The following SFXN3 variants were observed in gnomAD, a reference collection of about 807,000 sequenced individuals.
SFXN3 encodes the protein sideroflexin 3, also known as sideroflexin-3.
A neutral mutation model predicts 40.4 loss-of-function variants in SFXN3; 31 were observed. The observed-to-expected ratio is 0.77, with a 90% CI of 0.58 to 1.04. The LOEUF is 1.04. Ranked by LOEUF, SFXN3 falls within the 50% of genes least tolerant of loss-of-function variation. The pLI is 0.00. For synonymous variants in SFXN3, 157 were observed against 160.0 expected (o/e 0.98, Z 0.14); for missense variants, 366 against 408.2 (o/e 0.90, Z 0.89).
At chr10:101,033,825 G>A (rs1249684348) in intron 2 of SFXN3, among the ~76,000 whole-genome samples, 4 of 152,186 alleles carry the variant, frequency 2.6e-5, no homozygotes, top group Admixed American at 6.5e-5. Flanking sequence ...GTCATAATTA[G>A]GTTCAAGGGA....
At chr10:101,038,486 G>C in intron 9 of SFXN3, 157 bp from the exon 10 acceptor site, 1 of 1,494,392 alleles carries the variant, frequency 6.7e-7, no homozygotes, top group Non-Finnish European at 8.9e-7. Context: ...GCGTGATCTG[G>C]AGGTCCCAGC....
chr10:101,032,128 C>G (rs1938263526), intron 1 of SFXN3, 186 bp from the exon 2 acceptor site: 1 of 288,760 alleles, frequency 3.5e-6, no homozygotes, highest in African/African-American at 2.2e-5. Context: ...TGGGGGTCTG[C>G]TGAGGCCCGC....
intron 2 of SFXN3, among the ~76,000 whole-genome samples, chr10:101,033,958 C>T (rs553944998): frequency 1.3e-5 from 2 of 152,112 alleles, no homozygotes; most frequent in Admixed American, 6.5e-5. Context: ...CACCATAGGG[C>T]GGTTTTTCTC....
chr10:101,033,997 C>T (rs990965326), intron 2 of SFXN3, among the ~76,000 whole-genome samples: 5 of 151,882 alleles, frequency 3.3e-5, no homozygotes, highest in Non-Finnish European at 7.4e-5. Context: ...AATGTGCAAT[C>T]GCGTTTTATA....
At chr10:101,037,582 G>C (rs973522109) in intron 9 of SFXN3, 151 bp downstream of exon 9, 1 of 1,543,388 alleles carries the variant, frequency 6.5e-7, no homozygotes, top group Non-Finnish European at 8.7e-7. Flanking sequence ...CGTTCATTCA[G>C]CAAGAATGAA....
chr10:101,032,159 G>A, intron 1 of SFXN3, 155 bp from the exon 2 acceptor site: 1 of 345,054 alleles, frequency 2.9e-6, no homozygotes, highest in Non-Finnish European at 5.3e-6. Flanking sequence ...TAAACCAAGG[G>A]AGCAGCGCCC....
At chr10:101,037,784 A>C in intron 9 of SFXN3, 3 of 1,182,188 alleles carry the variant, frequency 2.5e-6, no homozygotes, top group Non-Finnish European at 3.2e-6. Context: ...ACACGCACAC[A>C]CAGACATGAA....
chr10:101,038,796 C>G, intron 10 of SFXN3, 104 bp downstream of exon 10: 1 of 1,544,458 alleles, frequency 6.5e-7, no homozygotes. Flanking sequence ...ATCATCCATT[C>G]ATACATTCAG....
chr10:101,033,613 A>G (rs1784202550), intron 2 of SFXN3, among the ~76,000 whole-genome samples: 1 of 152,354 alleles, frequency 6.6e-6, no homozygotes, highest in African/African-American at 2.4e-5. Flanking sequence ...AATAAGACAC[A>G]GAGACAAAGT....
chr10:101,034,647 T>C, intron 2 of SFXN3, 45 bp from the exon 3 acceptor site: 2 of 1,602,590 alleles, frequency 1.2e-6, no homozygotes, highest in South Asian at 1.1e-5. Context: ...GCTGGAGCCC[T>C]TGGACCCTTG....
exon 2 of SFXN3, chr10:101,032,431 G>T: frequency 6.6e-7 from 1 of 1,520,216 alleles, no homozygotes; most frequent in Non-Finnish European, 8.8e-7. Flanking sequence ...GGCGGCGACA[G>T]CGGAGGCAGA....
chr10:101,038,156 A>C, intron 9 of SFXN3: 1 of 462,388 alleles, frequency 2.2e-6, no homozygotes. Context: ...TGTTTGGGGT[A>C]CAGAAAACAG....
chr10:101,034,728 G>C, exon 3 of SFXN3: 3 of 1,614,068 alleles, frequency 1.9e-6, no homozygotes, highest in Non-Finnish European at 2.5e-6. Flanking sequence ...CAACATCCAG[G>C]AACCTCGCTG....
At chr10:101,038,686 G>C in exon 10 of SFXN3, 1 of 1,611,560 alleles carries the variant, frequency 6.2e-7, no homozygotes, top group Non-Finnish European at 8.5e-7. Flanking sequence ...GGACTGGTGG[G>C]CTTCTGGTAA....
At position 101,037,060 on chromosome 10, in the gene SFXN3, C is replaced by A. The variant is rs746578576; in HGVS notation, c.594-16C>A. The stretch of plus-strand genomic sequence containing the variant: ...TCCGGGGCCTGTGATCTGACCCCAA[C>A]CCCCCTCCCTTGCAGAGAGCTGCAG... On this transcript the variant is annotated splice_polypyrimidine_tract_variant and intron_variant, in intron 7 of 11. Coordinates refer to ENST00000393459, the Ensembl canonical transcript of SFXN3. 14 of 1,612,824 alleles carry A rather than the reference C, an allele frequency of 8.7e-6. No homozygotes were observed. The South Asian group carries it at 1.3e-4, about 15-fold the overall frequency.
intron 2 of SFXN3, among the ~76,000 whole-genome samples, chr10:101,032,950 C>T (rs943059121): frequency 1.3e-5 from 2 of 152,190 alleles, no homozygotes; most frequent in Non-Finnish European, 2.9e-5. Flanking sequence ...CTGCTCTTAT[C>T]CGGAGGCAAG....
rs372100811 is a variant in SFXN3, at chr10:101,035,488, C to A, written c.162-9C>A. Reference sequence around the variant, plus strand: ...GCATAGCCTGTCTGCTCCTTGCCAACTTCTGCAGGGCCGGCGTGGTGACCC... The same window carrying A: ...GCATAGCCTGTCTGCTCCTTGCCAAATTCTGCAGGGCCGGCGTGGTGACCC... On this transcript the variant is annotated splice_polypyrimidine_tract_variant and intron_variant, in intron 3 of 11. Coordinates refer to ENST00000393459, the Ensembl canonical transcript of SFXN3. 4.4e-6 allele frequency: 7 copies of A among 1,594,820 alleles called. No homozygotes were observed. In the South Asian group the frequency reaches 8.0e-5, roughly 18 times the overall value.
Position 101,039,457 on chromosome 10 carries a change from G to A in SFXN3, c.870-32G>A. The A allele has an allele frequency of 2.5e-6, 4 of 1,596,984 alleles. No individual in the cohort carries two copies. Among genetic ancestry groups the A allele is most frequent in the East Asian group, 2.2e-5 (1 of 44,748 alleles). On this transcript the variant is annotated intron_variant, in intron 11 of 11. Transcript: ENST00000393459. This position sits in a 1 kb window ranked among gnomAD's most constrained non-coding sequence, Gnocchi z 4.6. ...GGCCTGAGTGGGGTTGGATTCAGGG[G>A]ACGTTAACTGGCCTGTGCTGTTCTA...
At position 101,039,078 on chromosome 10, in the gene SFXN3, AC is replaced by A. The variant is rs1938766328; in HGVS notation, c.822-93del. 1 of 1,051,250 alleles carries A rather than the reference AC, an allele frequency of 9.5e-7. No individual in the cohort carries two copies. The highest frequency in any genetic ancestry group is 2.0e-5 in the Admixed American group (1 of 49,006). 65.1% of individuals were successfully genotyped at this position (1,051,250 alleles called of 1,614,324 possible). ...GTCCTTTCAGCTTTTATCAATCTCC[AC>A]CCCTAGGGCCTATCTCCAAGGATGG... is the stretch of plus-strand genomic sequence containing the variant. On this transcript the variant is annotated intron_variant, in intron 10 of 11. Coordinates refer to ENST00000393459, the Ensembl canonical transcript of SFXN3. This position sits in a 1 kb window ranked among gnomAD's most constrained non-coding sequence, Gnocchi z 4.6.
Sources: allele counts gnomAD v4.1 joint callset (sites outside exome capture counted in the v4.1 genomes callset), GRCh38; gene constraint gnomAD v4.1.1; non-coding constraint Gnocchi (gnomAD v3.1); transcripts MANE v1.5; gene names NCBI Gene and HGNC (gene_info 2026-07-23, HGNC 2026-07-21).